Variants in RETN observed in about 807,000 individuals in gnomAD.
The protein encoded by RETN is C/EBP-epsilon regulated myeloid-specific secreted cysteine-rich protein precursor 1.
Under a neutral mutation model 6.1 loss-of-function variants are expected in RETN, and 5 were observed. That is an observed-to-expected ratio of 0.82 (90% CI 0.43 to 1.73). RETN has a LOEUF of 1.73. Ranked by LOEUF, RETN falls within the 40% of genes most tolerant of loss-of-function variation. RETN has a pLI of 0.02. For missense variants in RETN, 168 were observed against 142.5 expected, an observed-to-expected ratio of 1.18 and a Z score of -0.91; for synonymous variants, 62 against 59.2, an observed-to-expected ratio of 1.05 and a Z score of -0.22.
rs2032445773 is a variant in RETN at position 7,669,119 on chromosome 19, A to G, written c.-13A>G. 1.9e-6 allele frequency: 1 copy of G among 530,556 alleles called. No homozygotes were observed. The highest frequency in any genetic ancestry group is 2.5e-5 in the South Asian group (1 of 40,790). The allele number at this position is 530,556 out of a possible 1,614,324, so 32.9% of individuals were successfully genotyped here. On this transcript the variant is annotated splice_region_variant and 5_prime_UTR_variant, in exon 1 of 4. Coordinates refer to ENST00000221515, the MANE Select transcript of RETN (RefSeq NM_020415.4). Reference sequence around the variant, plus strand: ...GATTTGGTTAGCTGAGCCCACCGAGAGGGTAAGTGACAGCTGCTCCTGCGC... The same window carrying G: ...GATTTGGTTAGCTGAGCCCACCGAGGGGGTAAGTGACAGCTGCTCCTGCGC...
At chr19:7,670,129 C>T (rs1486492679) in intron 3 of RETN, 90 bp from the exon 4 acceptor site, 17 of 531,360 alleles carry the variant, frequency 3.2e-5, no homozygotes, top group Non-Finnish European at 4.8e-5. Context: ...CCCCCGCCCC[C>T]CCAACCCCCC....
intron 2 of RETN, 67 bp downstream of exon 2, chr19:7,669,511 C>A: frequency 8.7e-7 from 1 of 1,149,994 alleles, no homozygotes; most frequent in Non-Finnish European, 1.3e-6. Flanking sequence ...CTGGCACAGA[C>A]CTGACTCCAA....
chr19:7,669,049 A>G lies in RETN; in HGVS notation c.-83A>G. 2.4e-6 allele frequency: 1 copy of G among 412,274 alleles called. No homozygotes were observed. 25.5% of individuals were successfully genotyped at this position (412,274 alleles called of 1,614,324 possible). On this transcript the variant is annotated 5_prime_UTR_variant, in exon 1 of 4. Coordinates refer to ENST00000221515, the MANE Select transcript of RETN (RefSeq NM_020415.4). ...TAGCCAAGCCAGGAAGCCCCACCCCAAGAGGCCTCAAAGAAAGAGCTGCGG... is the reference window on the plus strand; with the variant it reads ...TAGCCAAGCCAGGAAGCCCCACCCCGAGAGGCCTCAAAGAAAGAGCTGCGG...
In RETN at chr19:7,670,319, C is replaced by T. The variant is rs545857396; in HGVS notation, c.297C>T (p.Thr99=). ...CHCQCAGMDW[T]GARCCRVQP is the part of the protein sequence containing the mutation. ...GCCAGTGCGCGGGCATGGACTGGAC[C>T]GGAGCGCGCTGCTGTCGTGTGCAGC... Residue 99 remains threonine, a synonymous_variant, in exon 4 of 4, where the codon ACC becomes ACT. Transcript: ENST00000221515. 462 of 1,571,302 alleles carry T rather than the reference C, an allele frequency of 2.9e-4. 5 individuals are homozygous for T. In the South Asian group the frequency reaches 4.3e-3, roughly 15 times the overall value.
chr19:7,669,306 C>T lies in RETN; in HGVS notation c.-10-11C>T. ...TGATCCAGCTGTGGGTCTCTTGGTT[C>T]CCTCTTTCAGCGCCTGCAGGATGAA... On this transcript the variant is annotated splice_polypyrimidine_tract_variant and intron_variant, in intron 1 of 3. Coordinates refer to ENST00000221515, the MANE Select transcript of RETN (RefSeq NM_020415.4). 2 of 1,583,748 alleles carry T rather than the reference C, an allele frequency of 1.3e-6. No homozygotes were observed. The highest frequency in any genetic ancestry group is 4.5e-5 in the East Asian group (2 of 44,692).
In RETN at chr19:7,670,227, G is replaced by A. The variant is rs1204846568; in HGVS notation, c.205G>A (p.Val69Ile). The A allele has an allele frequency of 6.3e-7, 1 of 1,583,818 alleles. No homozygotes were observed. Among genetic ancestry groups the A allele is most frequent in the Middle Eastern group, 1.7e-4 (1 of 5,818 alleles). ...DLATCPRGFA[V>I]TGCTCGSACG... is the part of the protein sequence containing the mutation. ...TGTGTTCCGGGCTGCAGGCTTCGCC[G>A]TCACCGGCTGCACTTGTGGCTCCGC... Residue 69 changes from valine to isoleucine, a missense_variant, in exon 4 of 4, where the codon GTC becomes ATC. Transcript: ENST00000221515.
At position 7,669,330 on chromosome 19, in the gene RETN, A is replaced by G; in HGVS notation, c.4A>G (p.Lys2Glu). The stretch of plus-strand genomic sequence containing the variant: ...TCCCTCTTTCAGCGCCTGCAGGATG[A>G]AAGCTCTCTGTCTCCTCCTCCTCCC... M[K>E]ALCLLLLPVL... The change falls in exon 2 of 4, where the codon AAA becomes GAA. Residue 2 changes from lysine (K) to glutamate (E), a missense_variant. Transcript: ENST00000221515. 1 of 1,613,160 alleles carries G rather than the reference A, an allele frequency of 6.2e-7. No homozygotes were observed. The highest frequency in any genetic ancestry group is 8.5e-7 in the Non-Finnish European group (1 of 1,179,226).
rs780847957 is a variant in RETN at position 7,669,434 on chromosome 19, C to T, written c.108C>T (p.Ala36=). The part of the protein sequence containing the change: ...EAINERIQEV[A]GSLIFRAISS... ...TCAATGAGAGGATCCAGGAGGTCGC[C>T]GGCTCCCTAAGTGAGGACCCCCCAC... is the stretch of plus-strand genomic sequence containing the variant. The change falls in exon 2 of 4, where the codon GCC becomes GCT. Residue 36 remains alanine, a synonymous_variant. Coordinates refer to ENST00000221515, the MANE Select transcript of RETN (RefSeq NM_020415.4). 80 of 1,613,154 alleles carry T rather than the reference C, an allele frequency of 5.0e-5. No individual in the cohort carries two copies. Among genetic ancestry groups the T allele is most frequent in the Middle Eastern group, 3.3e-4 (2 of 6,084 alleles).
chr19:7,670,361 G>C lies in RETN; in HGVS notation c.*12G>C. On this transcript the variant is annotated 3_prime_UTR_variant, in exon 4 of 4. Transcript: ENST00000221515. The stretch of plus-strand genomic sequence containing the variant: ...GTGTGCAGCCCTGAGGTCGCGCGCA[G>C]CGCGTGCACAGCGCGGGCGGAGGCG... The C allele has an allele frequency of 1.9e-6, 3 of 1,542,352 alleles. No homozygotes were observed. Among genetic ancestry groups the C allele is most frequent in the Non-Finnish European group, 2.6e-6 (3 of 1,147,734 alleles).
chr19:7,669,679 C>T, intron 2 of RETN, 142 bp from the exon 3 acceptor site: 9 of 788,816 alleles, frequency 1.1e-5, no homozygotes, highest in South Asian at 4.4e-5. Flanking sequence ...TCCAAAACAC[C>T]CAACTCAAGA....
At chr19:7,670,081 C>T (rs966416228) in intron 3 of RETN, 138 bp from the exon 4 acceptor site, 6 of 1,050,944 alleles carry the variant, frequency 5.7e-6, no homozygotes, top group African/African-American at 4.7e-5. Context: ...CTCCAGTGCC[C>T]ATTCAGTGGT....
chr19:7,669,295 G>C, intron 1 of RETN, 22 bp from the exon 2 acceptor site: 5 of 1,539,444 alleles, frequency 3.2e-6, no homozygotes, highest in Non-Finnish European at 4.5e-6. Context: ...CCAGCTGTGG[G>C]TCTCTTGGTT....
chr19:7,670,312 A>C lies in RETN; in HGVS notation c.290A>C (p.Asp97Ala). The change falls in exon 4 of 4, where the codon GAC becomes GCC. Residue 97 changes from aspartate (D) to alanine (A), a missense_variant. Transcript: ENST00000221515. ...TTCHCQCAGM[D>A]WTGARCCRVQ... ...TGTCACTGCCAGTGCGCGGGCATGG[A>C]CTGGACCGGAGCGCGCTGCTGTCGT... 6.3e-7 allele frequency: 1 copy of C among 1,578,404 alleles called. No individual in the cohort carries two copies. The highest frequency in any genetic ancestry group is 8.6e-7 in the Non-Finnish European group (1 of 1,167,402).
intron 3 of RETN, 74 bp downstream of exon 3, chr19:7,669,972 G>T (rs2032468704): frequency 1.7e-6 from 2 of 1,180,270 alleles, no homozygotes; most frequent in Admixed American, 1.8e-5. Flanking sequence ...TCCCCGCCAC[G>T]TTCCCCGTGT....
intron 1 of RETN, 24 bp from the exon 2 acceptor site, chr19:7,669,293 G>A (rs1423061684): frequency 6.6e-7 from 1 of 1,522,292 alleles, no homozygotes; most frequent in African/African-American, 1.4e-5. Flanking sequence ...ATCCAGCTGT[G>A]GGTCTCTTGG....
intron 3 of RETN, 107 bp from the exon 4 acceptor site, chr19:7,670,112 G>GT: frequency 6.4e-5 from 37 of 579,136 alleles, no homozygotes; most frequent in South Asian, 3.0e-4. Context: ...AGCCGTCCCC[G>GT]TCCCCACCCC....
At chr19:7,669,582 C>T in intron 2 of RETN, 138 bp downstream of exon 2, 1 of 761,890 alleles carries the variant, frequency 1.3e-6, no homozygotes, top group Non-Finnish European at 2.3e-6. Context: ...AATTCAACCC[C>T]AACTCCACTC....
intron 3 of RETN, 106 bp from the exon 4 acceptor site, chr19:7,670,113 T>TGCCCCCCCCCCCCC: frequency 2.1e-6 from 1 of 465,518 alleles, no homozygotes; most frequent in Non-Finnish European, 3.9e-6. Flanking sequence ...GCCGTCCCCG[T>TGCCCCCCCCCCCCC]CCCCACCCCC....
At position 7,669,892 on chromosome 19, in the gene RETN, C is replaced by T. The variant is rs1182027782; in HGVS notation, c.190C>T (p.Pro64Ser). Residue 64 changes from proline (P) to serine (S), a missense_variant, in exon 3 of 4, where the codon CCC becomes TCC. Physicochemically the swap from Pro to Ser is moderately conservative, Grantham distance 74 (BLOSUM62 -1). Transcript: ENST00000221515. ...CTCCAGGGGGGACCTGGCTACTTGC[C>T]CCCGAGGTGAGTGCAGGAGACTGTT... ...VTSRGDLATC[P>S]RGFAVTGCTC... The T allele has an allele frequency of 1.2e-6, 2 of 1,613,806 alleles. No individual in the cohort carries two copies. Among genetic ancestry groups the T allele is most frequent in the Non-Finnish European group, 1.7e-6 (2 of 1,179,890 alleles).
Sources: allele counts gnomAD v4.1 joint callset, GRCh38; gene constraint gnomAD v4.1.1; transcripts MANE v1.5; gene names NCBI Gene and HGNC (gene_info 2026-07-23, HGNC 2026-07-21).